The following PDLIM5 variants were observed in gnomAD, a reference collection of about 807,000 sequenced individuals.
The protein encoded by PDLIM5 is PDZ and LIM domain 5, also known as PDZ and LIM domain protein 5.
PDLIM5 carries 34 observed loss-of-function variants against 64.2 expected under a neutral mutation model. The ratio of observed to expected loss-of-function variants is 0.53; its 90% CI spans 0.40 to 0.71. The LOEUF is 0.71. PDLIM5 is among the 30% of genes least tolerant of loss of function. The pLI is 0.00. For missense variants in PDLIM5, 683 were observed against 733.6 expected (o/e 0.93, Z 0.80); for synonymous variants, 253 against 269.1 (o/e 0.94, Z 0.59).
intron 7 of PDLIM5, chr4:94,607,967 A>G (rs1738060927): frequency 1.2e-6 from 1 of 817,572 alleles, no homozygotes; most frequent in Non-Finnish European, 1.8e-6. Flanking sequence ...TTGAACTAGT[A>G]GACATTTAAA....
chr4:94,616,427 T>A (rs535273269), intron 7 of PDLIM5, among the ~76,000 whole-genome samples: 1 of 152,226 alleles, frequency 6.6e-6, no homozygotes, highest in African/African-American at 2.4e-5. Flanking sequence ...AGAAATCTTA[T>A]GAGCAAAATG....
At chr4:94,586,925 T>C (rs1000969279) in intron 7 of PDLIM5, 40 of 1,371,858 alleles carry the variant, frequency 2.9e-5, no homozygotes, top group Non-Finnish European at 3.7e-5. Context: ...TAGAACCTTT[T>C]TCCTTCTATT....
chr4:94,576,415 A>G (rs1432856857), intron 5 of PDLIM5, among the ~76,000 whole-genome samples: 1 of 152,186 alleles, frequency 6.6e-6, no homozygotes, highest in Non-Finnish European at 1.5e-5. Context: ...AGTTGCTGTC[A>G]CCTTACACAA....
Position 94,662,549 on chromosome 4 carries a change from C to G in PDLIM5, c.1701+12C>G. On this transcript the variant is annotated intron_variant, in intron 12 of 12. Coordinates refer to ENST00000317968, the MANE Select transcript of PDLIM5 (RefSeq NM_006457.5). ...GCTTTGTATGCTCAGTAAGTAGAGT[C>G]TTATTTCCTAATTAAAGGGGTATAG... is the stretch of plus-strand genomic sequence containing the variant. 2 of 1,321,896 alleles carry G rather than the reference C, an allele frequency of 1.5e-6. No individual in the cohort carries two copies. Among genetic ancestry groups the G allele is most frequent in the Non-Finnish European group, 2.2e-6 (2 of 913,596 alleles). 81.9% of individuals were successfully genotyped at this position (1,321,896 alleles called of 1,614,324 possible).
chr4:94,610,964 C>G, intron 7 of PDLIM5: 1 of 778,040 alleles, frequency 1.3e-6, no homozygotes, highest in Non-Finnish European at 2.1e-6. Context: ...CTCTCCCCAC[C>G]CTCTCTCTCG....
intron 8 of PDLIM5, among the ~76,000 whole-genome samples, chr4:94,618,854 G>C (rs1036227878): frequency 1.3e-5 from 2 of 151,920 alleles, no homozygotes; most frequent in Non-Finnish European, 2.9e-5. Context: ...TTATGATTAT[G>C]TAAAAAAAAG....
At chr4:94,497,868 G>T (rs1258615066) in intron 2 of PDLIM5, among the ~76,000 whole-genome samples, 1 of 152,170 alleles carries the variant, frequency 6.6e-6, no homozygotes, top group Non-Finnish European at 1.5e-5. Flanking sequence ...GGGTAGCTAC[G>T]TGCTGGACAG....
chr4:94,535,797 A>G (rs1010628181), intron 3 of PDLIM5, among the ~76,000 whole-genome samples: 1 of 150,692 alleles, frequency 6.6e-6, no homozygotes, highest in Non-Finnish European at 1.5e-5. Flanking sequence ...TGGAGCTCAC[A>G]GTGCTGGGCA....
rs1163472982 is a variant in PDLIM5, at chr4:94,633,204, T to A, written c.1109-7072T>A. ...TGGCCGGGGAGCGAGGAGTGGAATA[T>A]TAATGAAACATGATCAATTATGAAG... On this transcript the variant is annotated intron_variant, in intron 8 of 12. Transcript: ENST00000317968. Among the ~76,000 whole-genome samples, 6 of 152,300 alleles carry A rather than the reference T, an allele frequency of 3.9e-5. No homozygotes were observed. The East Asian group carries it at 1.2e-3, about 29-fold the overall frequency.
intron 2 of PDLIM5, among the ~76,000 whole-genome samples, chr4:94,496,441 G>A (rs1037749288): frequency 7.2e-5 from 11 of 152,126 alleles, no homozygotes; most frequent in African/African-American, 2.7e-4. Flanking sequence ...TAATGCCCAG[G>A]AAATATCTGG....
chr4:94,617,324 A>G (rs1738858308), intron 7 of PDLIM5, among the ~76,000 whole-genome samples: 2 of 152,278 alleles, frequency 1.3e-5, no homozygotes, highest in African/African-American at 2.4e-5. Flanking sequence ...TAAACAGGTA[A>G]CTCTTGGTTG....
chr4:94,666,871 A>G lies in PDLIM5; in HGVS notation c.*2804A>G, dbSNP rs2110517007. Reference sequence around the variant, plus strand: ...TGGCGAAGCTTTATATCTGTTCCTAAAACAGTTAATCCTGTGAAATAAATA... The same window carrying G: ...TGGCGAAGCTTTATATCTGTTCCTAGAACAGTTAATCCTGTGAAATAAATA... On this transcript the variant is annotated 3_prime_UTR_variant, in exon 13 of 13. Coordinates refer to ENST00000317968, the MANE Select transcript of PDLIM5 (RefSeq NM_006457.5). The G allele has an allele frequency of 6.6e-6, 1 of 152,262 alleles. No individual in the cohort carries two copies. The highest frequency in any genetic ancestry group is 1.9e-4 in the East Asian group (1 of 5,174). 9.4% of individuals were successfully genotyped at this position (152,262 alleles called of 1,614,324 possible).
At chr4:94,477,699 G>T (rs554615434) in intron 2 of PDLIM5, among the ~76,000 whole-genome samples, 3 of 152,148 alleles carry the variant, frequency 2.0e-5, no homozygotes, top group African/African-American at 7.2e-5. Context: ...GAACTGCATG[G>T]GTCCATTTAT....
At chr4:94,506,465 A>G (rs1728407292) in intron 2 of PDLIM5, among the ~76,000 whole-genome samples, 1 of 152,202 alleles carries the variant, frequency 6.6e-6, no homozygotes, top group Non-Finnish European at 1.5e-5. Context: ...ACTTTGCTTC[A>G]GGATGGTACC....
intron 7 of PDLIM5, among the ~76,000 whole-genome samples, chr4:94,595,114 C>T (rs1736965127): frequency 2.0e-5 from 3 of 152,154 alleles, no homozygotes; most frequent in Admixed American, 6.5e-5. Flanking sequence ...AACCAGATCT[C>T]ATGAGAACAA....
At chr4:94,504,332 G>C (rs1180951130) in intron 2 of PDLIM5, among the ~76,000 whole-genome samples, 1 of 151,722 alleles carries the variant, frequency 6.6e-6, no homozygotes, top group Non-Finnish European at 1.5e-5. Flanking sequence ...TCTGTCACCA[G>C]GTTGGAGTGC....
At chr4:94,492,359 A>G (rs1310556747) in intron 2 of PDLIM5, among the ~76,000 whole-genome samples, 1 of 151,812 alleles carries the variant, frequency 6.6e-6, no homozygotes, top group African/African-American at 2.4e-5. Flanking sequence ...GATCTTCCAC[A>G]TGCAGTGTGC....
At chr4:94,470,275 AT>A (rs111367495) in intron 2 of PDLIM5, among the ~76,000 whole-genome samples, 1,803 of 151,972 alleles carry the variant, frequency 0.012, 41 homozygotes, top group African/African-American at 0.041. Context: ...AAATTTTGTT[AT>A]TTTTTATTGT....
At chr4:94,558,866 T>C (rs1733601018) in intron 3 of PDLIM5, among the ~76,000 whole-genome samples, 1 of 152,114 alleles carries the variant, frequency 6.6e-6, no homozygotes, top group African/African-American at 2.4e-5. Context: ...AACTAAGTTA[T>C]GTAAGTAGAT....
Sources: allele counts gnomAD v4.1 joint callset (sites outside exome capture counted in the v4.1 genomes callset), GRCh38; gene constraint gnomAD v4.1.1; transcripts MANE v1.5; gene names NCBI Gene and HGNC (gene_info 2026-07-23, HGNC 2026-07-21).